ZNF100: variants seen among roughly 807,000 people sequenced by gnomAD.
The protein encoded by ZNF100 is zinc finger protein 100.
A neutral mutation model predicts 15.8 loss-of-function variants in ZNF100; 12 were observed. The ratio of observed to expected loss-of-function variants is 0.76; its 90% CI spans 0.49 to 1.23. ZNF100 has a LOEUF of 1.23. Among genes scored for constraint, ZNF100 ranks in the 50% most tolerant of loss-of-function variants. ZNF100 has a pLI of 0.00. For missense variants in ZNF100, 670 were observed against 635.6 expected, an observed-to-expected ratio of 1.05 and a Z score of -0.58; for synonymous variants, 226 against 214.8, an observed-to-expected ratio of 1.05 and a Z score of -0.45.
chr19:21,754,718 A>G (rs924925283), intron 2 of ZNF100, among the ~76,000 whole-genome samples: 1 of 152,204 alleles, frequency 6.6e-6, no homozygotes, highest in African/African-American at 2.4e-5. Context: ...AGGCAATACC[A>G]TTCAGGACAA....
Position 21,762,853 on chromosome 19 carries a change from G to A in ZNF100, c.96+2841C>T, listed in dbSNP as rs566191414. Reference sequence around the variant, plus strand: ...CATTCTAAGTCACAGGATGAGACAGGAGATCAGCACAAAATACAGGCCATA... The same window carrying A: ...CATTCTAAGTCACAGGATGAGACAGAAGATCAGCACAAAATACAGGCCATA... On this transcript the variant is annotated intron_variant, in intron 2 of 4. Coordinates refer to ENST00000358296, the MANE Select transcript of ZNF100 (RefSeq NM_173531.4). 2.0e-5 allele frequency among the ~76,000 whole-genome samples: 3 copies of A among 152,238 alleles called. No individual in the cohort carries two copies. The South Asian group carries it at 6.2e-4, about 32-fold the overall frequency.
At chr19:21,753,844 A>T (rs1388640866) in intron 2 of ZNF100, among the ~76,000 whole-genome samples, 1 of 152,188 alleles carries the variant, frequency 6.6e-6, no homozygotes, top group Admixed American at 6.5e-5. Context: ...ATAGAAGGTG[A>T]TATGAACAGC....
At chr19:21,746,299 G>A (rs1036223205) in intron 2 of ZNF100, among the ~76,000 whole-genome samples, 5 of 152,150 alleles carry the variant, frequency 3.3e-5, no homozygotes, top group African/African-American at 1.2e-4. Context: ...CCAATGTTCT[G>A]TAATTTTCAA....
At chr19:21,750,961 T>TGCGGTG in intron 2 of ZNF100, 9 of 919,068 alleles carry the variant, frequency 9.8e-6, no homozygotes, top group Non-Finnish European at 9.9e-6. Context: ...CACCCGGGGA[T>TGCGGTG]GCGGTGGCGG....
chr19:21,755,639 T>TTAC (rs2036381440), intron 2 of ZNF100, among the ~76,000 whole-genome samples: 1 of 152,186 alleles, frequency 6.6e-6, no homozygotes, highest in Admixed American at 6.5e-5. Context: ...ACATGTATGT[T>TTAC]TACTGCAGCA....
intron 4 of ZNF100, among the ~76,000 whole-genome samples, chr19:21,738,187 G>T (rs2036041801): frequency 7.8e-6 from 1 of 129,008 alleles, no homozygotes; most frequent in Admixed American, 9.7e-5. Flanking sequence ...GGAGGTGGAG[G>T]TTGCAATGAG....
At chr19:21,736,022 T>A (rs2036002855) in intron 4 of ZNF100, among the ~76,000 whole-genome samples, 1 of 152,148 alleles carries the variant, frequency 6.6e-6, no homozygotes. Flanking sequence ...TCTCCCGACC[T>A]CATGATCTGT....
intron 4 of ZNF100, among the ~76,000 whole-genome samples, chr19:21,732,217 CAATT>C (rs2035932859): frequency 1.3e-5 from 2 of 151,962 alleles, no homozygotes; most frequent in Non-Finnish European, 2.9e-5. Flanking sequence ...TAAAAATGAA[CAATT>C]AATACCAAGA....
At chr19:21,747,716 C>CA (rs1268031705) in intron 2 of ZNF100, among the ~76,000 whole-genome samples, 1 of 152,164 alleles carries the variant, frequency 6.6e-6, no homozygotes, top group African/African-American at 2.4e-5. Flanking sequence ...TTAAAGTTTA[C>CA]AGAGGAAACA....
At chr19:21,754,750 A>AC (rs1222396150) in intron 2 of ZNF100, among the ~76,000 whole-genome samples, 2 of 152,192 alleles carry the variant, frequency 1.3e-5, no homozygotes, top group Non-Finnish European at 2.9e-5. Context: ...AGACTTCATG[A>AC]CAAAAACACC....
At chr19:21,739,751 A>AC (rs1568298045) in intron 4 of ZNF100, among the ~76,000 whole-genome samples, 6 of 152,172 alleles carry the variant, frequency 3.9e-5, no homozygotes, top group Non-Finnish European at 8.8e-5. Context: ...GAGGCAAGAG[A>AC]CCTGCTTGAG....
At chr19:21,728,344 T>C (rs1020695911) in intron 4 of ZNF100, among the ~76,000 whole-genome samples, 5 of 152,058 alleles carry the variant, frequency 3.3e-5, no homozygotes, top group Non-Finnish European at 5.9e-5. Flanking sequence ...TACTGGCACA[T>C]TTATCTTTAT....
chr19:21,750,850 G>C, intron 2 of ZNF100: 1 of 479,666 alleles, frequency 2.1e-6, no homozygotes, highest in Non-Finnish European at 3.7e-6. Flanking sequence ...ACGCCCCATG[G>C]GGAACACGCT....
intron 2 of ZNF100, among the ~76,000 whole-genome samples, chr19:21,760,181 CAA>C (rs58849505): frequency 4.5e-5 from 6 of 134,002 alleles, no homozygotes; most frequent in African/African-American, 1.7e-4. Flanking sequence ...GACTCCGTCT[CAA>C]AAAAAAAAAA....
chr19:21,737,563 A>C (rs1476769285), intron 4 of ZNF100, among the ~76,000 whole-genome samples: 1 of 151,786 alleles, frequency 6.6e-6, no homozygotes, highest in African/African-American at 2.4e-5. Flanking sequence ...AGAAAAAAAA[A>C]AAAGGAAATA....
chr19:21,751,113 T>C, intron 2 of ZNF100: 2 of 1,431,148 alleles, frequency 1.4e-6, no homozygotes, highest in Non-Finnish European at 2.0e-6. Context: ...CAAGCACAAG[T>C]TTCCTGAGCA....
rs2145752193 is a variant in ZNF100 at position 21,765,690 on chromosome 19, T to C, written c.96+4A>G. 1.2e-6 allele frequency: 2 copies of C among 1,603,128 alleles called. No individual in the cohort carries two copies. Among genetic ancestry groups the C allele is most frequent in the East Asian group, 2.2e-5 (1 of 44,868 alleles). On this transcript the variant is annotated splice_donor_region_variant and intron_variant, in intron 2 of 4. Coordinates refer to ENST00000358296, the MANE Select transcript of ZNF100 (RefSeq NM_173531.4). ...AAGACAATTTTAATGTCTCAAGGGG[T>C]TACCTTTTCAAAATAAGACTGCACC...
chr19:21,732,450 G>C (rs191500312), intron 4 of ZNF100, among the ~76,000 whole-genome samples: 78 of 151,996 alleles, frequency 5.1e-4, no homozygotes, highest in African/African-American at 1.6e-3. Context: ...CAAACACAGA[G>C]GTAATTATAT....
rs765450154 is a variant in ZNF100 at position 21,726,699 on chromosome 19, T to C, written c.1613A>G (p.Glu538Gly). ...CCACATTTTTCACATTTGTAGGGTT[T>C]CTCTCCAGTATGAGTTATTTTGTTT... The part of the protein sequence containing the change: ...LIKQNNSYWR[E>G]TLQM The change falls in exon 5 of 5, where the codon GAA (glutamate) becomes GGA (glycine). Residue 538 changes from glutamate (E) to glycine (G), a missense_variant. Physicochemically the swap from Glu to Gly is moderately conservative, Grantham distance 98 (BLOSUM62 -2). Coordinates refer to ENST00000358296, the MANE Select transcript of ZNF100 (RefSeq NM_173531.4). 6.2e-7 allele frequency: 1 copy of C among 1,607,922 alleles called. No individual in the cohort carries two copies. Among genetic ancestry groups the C allele is most frequent in the Non-Finnish European group, 8.5e-7 (1 of 1,177,694 alleles).
Sources: gnomAD v4.1 joint callset for allele counts (sites outside exome capture counted in the v4.1 genomes callset) on GRCh38, gnomAD v4.1.1 for gene constraint, MANE v1.5 for transcripts, NCBI Gene and HGNC (gene_info 2026-07-23, HGNC 2026-07-21) for gene names.